JARID2: variants seen among roughly 807,000 people sequenced by gnomAD.
The protein encoded by JARID2 is protein Jumonji.
A neutral mutation model predicts 125.6 loss-of-function variants in JARID2; 21 were observed. That is an observed-to-expected ratio of 0.17 (90% CI 0.12 to 0.24). The LOEUF is 0.24. Among genes scored for constraint, JARID2 ranks in the 10% least tolerant of loss-of-function variants. The pLI is 1.00. For missense variants in JARID2, 1,303 were observed against 1,639.6 expected, an observed-to-expected ratio of 0.79 and a Z score of 3.55; for synonymous variants, 736 against 661.6, an observed-to-expected ratio of 1.11 and a Z score of -1.73.
At chr6:15,468,508 C>T in intron 4 of JARID2, 34 bp from the exon 5 acceptor site, 2 of 1,588,858 alleles carry the variant, frequency 1.3e-6, no homozygotes. Flanking sequence ...GGGTCAAGGC[C>T]TGTGTTTATG....
rs71944757 is a variant in JARID2, at chr6:15,320,852, C to CTGTGTGTGTGTGTGTGTGTG, written c.46-53253_46-53234dup. Among the ~76,000 whole-genome samples the CTGTGTGTGTGTGTGTGTGTG allele has an allele frequency of 3.0e-4, 43 of 145,402 alleles. 1 individual carries two copies. Among genetic ancestry groups the CTGTGTGTGTGTGTGTGTGTG allele is most frequent in the African/African-American group, 9.7e-4 (38 of 39,330 alleles). On this transcript the variant is annotated intron_variant, in intron 1 of 17. Transcript: ENST00000341776. ...AATATGATTCATTCTCTCTCTCTCT[C>CTGTGTGTGTGTGTGTGTGTG]TGTGTGTGTGTGTGTGTGTGTGTGT... is the stretch of plus-strand genomic sequence containing the variant.
intron 1 of JARID2, among the ~76,000 whole-genome samples, chr6:15,366,280 A>G (rs1404389514): frequency 1.3e-5 from 2 of 152,090 alleles, no homozygotes; most frequent in African/African-American, 2.4e-5. Context: ...GGAAATAGCA[A>G]TCAATCCTTT....
At chr6:15,331,758 T>G (rs977911493) in intron 1 of JARID2, among the ~76,000 whole-genome samples, 1 of 152,068 alleles carries the variant, frequency 6.6e-6, no homozygotes, top group African/African-American at 2.4e-5. Flanking sequence ...AGGTGGAGGT[T>G]GCAGTGAGCC....
At chr6:15,515,813 T>C (rs901435163) in intron 16 of JARID2, among the ~76,000 whole-genome samples, 5 of 151,556 alleles carry the variant, frequency 3.3e-5, no homozygotes, top group African/African-American at 4.9e-5. Flanking sequence ...CCCAGCACTT[T>C]GGGAGGCTGA....
chr6:15,396,002 C>T (rs1057221468), intron 2 of JARID2, among the ~76,000 whole-genome samples: 1 of 152,198 alleles, frequency 6.6e-6, no homozygotes, highest in Non-Finnish European at 1.5e-5. Context: ...CTTCACTATT[C>T]CTAAGTAGGT....
intron 1 of JARID2, among the ~76,000 whole-genome samples, chr6:15,323,817 T>G (rs1438321773): frequency 1.3e-5 from 2 of 151,186 alleles, no homozygotes; most frequent in African/African-American, 4.9e-5. Flanking sequence ...ACTTGAGCCC[T>G]GGAGGCAGAA....
chr6:15,283,751 G>A (rs1223786594), intron 1 of JARID2, among the ~76,000 whole-genome samples: 2 of 146,158 alleles, frequency 1.4e-5, no homozygotes, highest in Non-Finnish European at 3.0e-5. Flanking sequence ...TGTTGCCCAG[G>A]CTGGAGTGCA....
chr6:15,499,034 C>T (rs1207664647), intron 7 of JARID2, among the ~76,000 whole-genome samples: 2 of 152,154 alleles, frequency 1.3e-5, no homozygotes, highest in Non-Finnish European at 2.9e-5. Flanking sequence ...TCTTTACCCT[C>T]GACTCCCTTA....
intron 1 of JARID2, among the ~76,000 whole-genome samples, chr6:15,300,210 G>C (rs1283603662): frequency 1.3e-5 from 2 of 152,156 alleles, no homozygotes; most frequent in Admixed American, 6.5e-5. Context: ...TGGGTGTTCT[G>C]TCCTGTTTTT....
intron 1 of JARID2, chr6:15,368,642 G>A: frequency 2.1e-6 from 1 of 466,758 alleles, no homozygotes; most frequent in Non-Finnish European, 4.3e-6. Context: ...ATGATTAAAG[G>A]AACTAGCATT....
intron 2 of JARID2, among the ~76,000 whole-genome samples, chr6:15,390,115 G>A (rs537802168): frequency 6.6e-6 from 1 of 152,142 alleles, no homozygotes; most frequent in Non-Finnish European, 1.5e-5. Context: ...CTGTTTCAGA[G>A]AACAAGTTTC....
At chr6:15,316,063 C>T (rs928004422) in intron 1 of JARID2, among the ~76,000 whole-genome samples, 2 of 151,734 alleles carry the variant, frequency 1.3e-5, no homozygotes, top group Non-Finnish European at 2.9e-5. Context: ...TCAACTAATA[C>T]GAAAAGTACC....
chr6:15,454,092 A>C (rs1342459444), intron 4 of JARID2, among the ~76,000 whole-genome samples: 1 of 152,186 alleles, frequency 6.6e-6, no homozygotes, highest in Admixed American at 6.5e-5. Context: ...GTTCATGTGC[A>C]TTCATCCCTG....
intron 2 of JARID2, chr6:15,400,853 T>C (rs943941389): frequency 2.3e-6 from 3 of 1,285,794 alleles, no homozygotes; most frequent in Non-Finnish European, 3.0e-6. Context: ...GGGAGGATTG[T>C]TGACAAGTGC....
chr6:15,256,102 A>T (rs575784842), intron 1 of JARID2, among the ~76,000 whole-genome samples: 1 of 152,194 alleles, frequency 6.6e-6, no homozygotes, highest in South Asian at 2.1e-4. Flanking sequence ...AGCACTTTGT[A>T]AACTGCATAC....
At chr6:15,470,464 C>G (rs920562636) in intron 5 of JARID2, among the ~76,000 whole-genome samples, 1 of 152,246 alleles carries the variant, frequency 6.6e-6, no homozygotes, top group Non-Finnish European at 1.5e-5. Flanking sequence ...AGGCTCAGGA[C>G]AAGCATAGCT....
At chr6:15,324,624 G>A (rs1379652507) in intron 1 of JARID2, among the ~76,000 whole-genome samples, 1 of 150,202 alleles carries the variant, frequency 6.7e-6, no homozygotes, top group Non-Finnish European at 1.5e-5. Flanking sequence ...CTACAGGCGT[G>A]CACCACCACG....
At chr6:15,353,441 A>G (rs1003034354) in intron 1 of JARID2, among the ~76,000 whole-genome samples, 2 of 152,254 alleles carry the variant, frequency 1.3e-5, no homozygotes, top group African/African-American at 4.8e-5. Flanking sequence ...GTGGTTTTAA[A>G]AAGAGCAGTT....
intron 1 of JARID2, among the ~76,000 whole-genome samples, chr6:15,366,662 A>C (rs565941841): frequency 1.3e-5 from 2 of 152,090 alleles, no homozygotes; most frequent in African/African-American, 2.4e-5. Flanking sequence ...GGCCCCATCA[A>C]TTCGAAGGCG....
Sources: allele counts gnomAD v4.1 joint callset (sites outside exome capture counted in the v4.1 genomes callset), GRCh38; gene constraint gnomAD v4.1.1; transcripts MANE v1.5; gene names NCBI Gene and HGNC (gene_info 2026-07-23, HGNC 2026-07-21).